CCR5AS: variants seen among roughly 807,000 people sequenced by gnomAD.
CCR5AS encodes the protein CCR5 antisense RNA.
intron 3 of CCR5AS, among the ~76,000 whole-genome samples, chr3:46,366,542 A>G (rs955970625): frequency 5.3e-5 from 8 of 152,234 alleles, no homozygotes; most frequent in African/African-American, 1.9e-4. Context: ...TAATGAATCC[A>G]TGAGGTAGAC....
chr3:46,366,491 C>G (rs1701599041), intron 3 of CCR5AS, among the ~76,000 whole-genome samples: 1 of 152,242 alleles, frequency 6.6e-6, no homozygotes, highest in Non-Finnish European at 1.5e-5. Context: ...GAGAAGACTT[C>G]TCAGCTGAGC....
chr3:46,376,851 A>G (rs3087251), intron 2 of CCR5AS, among the ~76,000 whole-genome samples: 95,160 of 152,022 alleles, frequency 0.63, 30,797 homozygotes, highest in East Asian at 0.81. Context: ...ATCTCCCAGC[A>G]CAGGTCATGG....
chr3:46,373,873 G>A (rs1001641899), intron 2 of CCR5AS: 3 of 1,613,068 alleles, frequency 1.9e-6, no homozygotes, highest in Admixed American at 1.7e-5. Flanking sequence ...TGCAAATGCT[G>A]TTCTATTTTC....
At chr3:46,395,665 T>C (rs976907718) in intron 1 of CCR5AS, among the ~76,000 whole-genome samples, 3 of 152,182 alleles carry the variant, frequency 2.0e-5, no homozygotes, top group Non-Finnish European at 4.4e-5. Flanking sequence ...GAATACAAAG[T>C]AATGTTCCCT....
chr3:46,373,012 A>G, intron 2 of CCR5AS: 1 of 1,613,960 alleles, frequency 6.2e-7, no homozygotes, highest in East Asian at 2.2e-5. Flanking sequence ...CCTCCGCTCT[A>G]CTCACTGGTG....
chr3:46,379,838 A>G (rs532189502), intron 2 of CCR5AS, among the ~76,000 whole-genome samples: 9 of 152,210 alleles, frequency 5.9e-5, no homozygotes, highest in African/African-American at 2.2e-4. Flanking sequence ...TGGAAGTTGC[A>G]GTGAGCTGAC....
chr3:46,393,810 T>C (rs1445986922), intron 1 of CCR5AS, among the ~76,000 whole-genome samples: 2 of 152,224 alleles, frequency 1.3e-5, no homozygotes, highest in Non-Finnish European at 1.5e-5. Context: ...GCAGGTGGTG[T>C]GGCTCAGCTA....
chr3:46,400,541 T>G (rs1045890451), intron 1 of CCR5AS, among the ~76,000 whole-genome samples: 1 of 152,094 alleles, frequency 6.6e-6, no homozygotes, highest in African/African-American at 2.4e-5. Flanking sequence ...GGAGTAAAAG[T>G]TGTCATCAGA....
At chr3:46,397,705 CA>C in intron 1 of CCR5AS, among the ~76,000 whole-genome samples, 1 of 152,308 alleles carries the variant, frequency 6.6e-6, no homozygotes, top group South Asian at 2.1e-4. Flanking sequence ...AACTGAAAGA[CA>C]GGGGAGCCTG....
intron 2 of CCR5AS, among the ~76,000 whole-genome samples, chr3:46,387,186 G>A (rs1043176466): frequency 2.0e-5 from 3 of 152,258 alleles, no homozygotes; most frequent in Middle Eastern, 3.4e-3. Context: ...TACCCAAGAT[G>A]AGTCAATCGG....
intron 1 of CCR5AS, among the ~76,000 whole-genome samples, chr3:46,396,474 C>G (rs767686261): frequency 1.1e-4 from 17 of 152,208 alleles, no homozygotes; most frequent in Non-Finnish European, 2.1e-4. Context: ...AAATTCAGAA[C>G]CTTCCACCTG....
intron 2 of CCR5AS, among the ~76,000 whole-genome samples, chr3:46,371,889 A>C (rs1490360977): frequency 6.6e-6 from 1 of 152,158 alleles, no homozygotes; most frequent in Non-Finnish European, 1.5e-5. Context: ...ACATCATGTC[A>C]CCAAACATCT....
At chr3:46,373,381 C>T (rs1559568288) in intron 2 of CCR5AS, 1 of 1,612,516 alleles carries the variant, frequency 6.2e-7, no homozygotes, top group Non-Finnish European at 8.5e-7. Context: ...GTGTTTGCGT[C>T]TCTCCCAGGA....
intron 2 of CCR5AS, chr3:46,373,261 T>C (rs757171495): frequency 1.2e-5 from 20 of 1,614,022 alleles, no homozygotes; most frequent in Non-Finnish European, 5.1e-6. Context: ...TTCTTCATCA[T>C]CCTCCTGACA....
At chr3:46,397,317 C>G (rs1021419203) in intron 1 of CCR5AS, among the ~76,000 whole-genome samples, 4 of 152,238 alleles carry the variant, frequency 2.6e-5, no homozygotes, top group African/African-American at 4.8e-5. Flanking sequence ...CCACTTTGTT[C>G]ACTATTTTCT....
chr3:46,377,898 G>A (rs1004662149), intron 2 of CCR5AS, among the ~76,000 whole-genome samples: 1 of 152,062 alleles, frequency 6.6e-6, no homozygotes, highest in African/African-American at 2.4e-5. Context: ...GTAGAGACAG[G>A]GTTTCACCGT....
At chr3:46,369,081 C>T (rs1224079169) in intron 3 of CCR5AS, among the ~76,000 whole-genome samples, 1 of 152,196 alleles carries the variant, frequency 6.6e-6, no homozygotes, top group Admixed American at 6.5e-5. Flanking sequence ...CTTTCAAAAG[C>T]ACACTTTATA....
At position 46,373,893 on chromosome 3, in the gene CCR5AS, G is replaced by C. The variant is rs199846907; in HGVS notation, n.392-2476C>G. ...ATGCTGTTCTATTTTCCAGCAAGAG[G>C]CTCCCGAGCGAGCAAGCTCAGTTTA... On this transcript the variant is annotated intron_variant and non_coding_transcript_variant, in intron 2 of 3. Coordinates refer to ENST00000451485, the Ensembl canonical transcript of CCR5AS. 1.9e-6 allele frequency: 3 copies of C among 1,610,716 alleles called. No individual in the cohort carries two copies. The African/African-American group carries it at 4.0e-5, about 21-fold the overall frequency.
At chr3:46,372,991 C>T in intron 2 of CCR5AS, 1 of 1,614,016 alleles carries the variant, frequency 6.2e-7, no homozygotes. Flanking sequence ...CAAATCGCAG[C>T]CCGCCTCCTG....
Sources: gnomAD v4.1 joint callset for allele counts (sites outside exome capture counted in the v4.1 genomes callset) on GRCh38, gnomAD v4.1.1 for gene constraint, MANE v1.5 for transcripts, NCBI Gene and HGNC (gene_info 2026-07-23, HGNC 2026-07-21) for gene names.